Variants in NRXN1 observed in about 807,000 individuals in gnomAD.
NRXN1 encodes neurexin-1.
A neutral mutation model predicts 150.9 loss-of-function variants in NRXN1; 39 were observed. That is an observed-to-expected ratio of 0.26 (90% confidence interval 0.20 to 0.34). NRXN1 has a LOEUF of 0.34. NRXN1 is among the 10% of genes least tolerant of loss of function. NRXN1 has a pLI of 1.00. For synonymous variants in NRXN1, 924 were observed against 757.0 expected (o/e 1.22, Z -3.62); for missense variants, 1,815 against 1,949.9 (o/e 0.93, Z 1.30).
intron 5 of NRXN1, among the ~76,000 whole-genome samples, chr2:50,706,723 G>C (rs570888511): frequency 6.6e-6 from 1 of 151,932 alleles, no homozygotes; most frequent in Non-Finnish European, 1.5e-5. Context: ...TTGTTAAATG[G>C]GAATCTTATC....
intron 2 of NRXN1, among the ~76,000 whole-genome samples, chr2:50,974,941 C>G (rs1695586568): frequency 6.6e-6 from 1 of 151,896 alleles, no homozygotes; most frequent in Non-Finnish European, 1.5e-5. Context: ...CATTCCACTC[C>G]ATAAATGCCA....
At chr2:50,261,663 C>T (rs1179251879) in intron 17 of NRXN1, among the ~76,000 whole-genome samples, 3 of 151,834 alleles carry the variant, frequency 2.0e-5, no homozygotes, top group South Asian at 4.1e-4. Flanking sequence ...AAAATAGATT[C>T]CTTTAATTTT....
intron 5 of NRXN1, among the ~76,000 whole-genome samples, chr2:50,695,612 C>T (rs943069239): frequency 2.0e-4 from 31 of 151,840 alleles, no homozygotes; most frequent in Non-Finnish European, 1.9e-4. Flanking sequence ...TTGTACAAAA[C>T]GAGAAACAAA....
chr2:50,050,784 A>G (rs1490215942), intron 21 of NRXN1, among the ~76,000 whole-genome samples: 1 of 94,800 alleles, frequency 1.1e-5, no homozygotes, highest in Admixed American at 1.2e-4. Context: ...TTTCTTCCCT[A>G]ATGTTTTTTC....
At chr2:50,121,929 G>A (rs1176430120) in intron 18 of NRXN1, among the ~76,000 whole-genome samples, 1 of 152,082 alleles carries the variant, frequency 6.6e-6, no homozygotes, top group Non-Finnish European at 1.5e-5. Flanking sequence ...CAAGGGAGAA[G>A]GACATACTAA....
rs545747600 is a variant in NRXN1 at position 50,965,416 on chromosome 2, G to GAA, written c.773-39463_773-39462dup. On this transcript the variant is annotated intron_variant, in intron 2 of 22. Transcript: ENST00000401669. ...TGTATCTCTCCTTTCAAGCATGGAG[G>GAA]AAAAAAAAATTAGGGGGAACATTTT... Among the ~76,000 whole-genome samples the GAA allele has an allele frequency of 4.7e-5, 7 of 149,186 alleles. No homozygotes were observed. The South Asian group carries it at 1.5e-3, about 32-fold the overall frequency.
chr2:49,941,006 C>G (rs976402003), intron 22 of NRXN1, among the ~76,000 whole-genome samples: 2 of 152,020 alleles, frequency 1.3e-5, no homozygotes, highest in African/African-American at 4.8e-5. Flanking sequence ...GTTAAAGTAG[C>G]TGTCGTTAGA....
At chr2:50,928,478 T>A (rs1687251447) in intron 2 of NRXN1, among the ~76,000 whole-genome samples, 1 of 152,096 alleles carries the variant, frequency 6.6e-6, no homozygotes, top group East Asian at 1.9e-4. Flanking sequence ...GACGTGATTA[T>A]AACTGGTGGT....
intron 17 of NRXN1, among the ~76,000 whole-genome samples, chr2:50,274,917 G>A (rs1360391893): frequency 2.0e-5 from 3 of 152,116 alleles, no homozygotes; most frequent in Non-Finnish European, 2.9e-5. Context: ...GATTTTCTCT[G>A]TATACTTAAC....
intron 17 of NRXN1, among the ~76,000 whole-genome samples, chr2:50,445,542 A>G (rs892531469): frequency 6.6e-6 from 1 of 152,100 alleles, no homozygotes; most frequent in African/African-American, 2.4e-5. Context: ...TTTGTGAACC[A>G]CTCACCTCAG....
intron 18 of NRXN1, chr2:50,174,762 A>T (rs2060248994): frequency 6.6e-6 from 1 of 152,138 alleles, no homozygotes; most frequent in Admixed American, 6.6e-5. Flanking sequence ...AGAAAAAAAA[A>T]TTTGCTGTTG....
At chr2:50,710,812 T>C (rs189731353) in intron 5 of NRXN1, among the ~76,000 whole-genome samples, 165 of 152,326 alleles carry the variant, frequency 1.1e-3, no homozygotes, top group Non-Finnish European at 2.1e-3. Context: ...TTTATTTGAC[T>C]ACAGTTACTT....
At chr2:50,316,422 T>C (rs1191501423) in intron 17 of NRXN1, among the ~76,000 whole-genome samples, 1 of 151,960 alleles carries the variant, frequency 6.6e-6, no homozygotes, top group Non-Finnish European at 1.5e-5. Context: ...CAAACAACAA[T>C]GAAAATAAAT....
chr2:50,459,221 T>G (rs1484623283), intron 17 of NRXN1, among the ~76,000 whole-genome samples: 2 of 152,072 alleles, frequency 1.3e-5, no homozygotes, highest in Non-Finnish European at 2.9e-5. Context: ...TTAAAAACAC[T>G]CCTGATAATT....
At chr2:50,187,816 T>C (rs2061185563) in intron 18 of NRXN1, among the ~76,000 whole-genome samples, 1 of 152,126 alleles carries the variant, frequency 6.6e-6, no homozygotes, top group Admixed American at 6.6e-5. Flanking sequence ...TAAGTTGGAT[T>C]CCTAGGTATT....
intron 2 of NRXN1, among the ~76,000 whole-genome samples, chr2:50,944,945 G>A (rs1690093301): frequency 1.3e-5 from 2 of 152,076 alleles, no homozygotes; most frequent in African/African-American, 4.8e-5. Context: ...CTTTTTTTGG[G>A]AATTACTTCA....
At chr2:50,459,857 A>T (rs2087980970) in intron 17 of NRXN1, among the ~76,000 whole-genome samples, 1 of 152,068 alleles carries the variant, frequency 6.6e-6, no homozygotes, top group Non-Finnish European at 1.5e-5. Context: ...AATTAAACTT[A>T]ATGGCTCCAA....
At chr2:50,910,616 C>G (rs1421873337) in intron 5 of NRXN1, among the ~76,000 whole-genome samples, 1 of 151,854 alleles carries the variant, frequency 6.6e-6, no homozygotes, top group Non-Finnish European at 1.5e-5. Context: ...AAAGCCCCTG[C>G]CTTCAGGGGT....
At chr2:50,962,786 T>G (rs1693420363) in intron 2 of NRXN1, among the ~76,000 whole-genome samples, 1 of 151,630 alleles carries the variant, frequency 6.6e-6, no homozygotes, top group African/African-American at 2.4e-5. Context: ...TTCAATTAAA[T>G]TTTCGCTCCC....
Sources: gnomAD v4.1 joint callset for allele counts (sites outside exome capture counted in the v4.1 genomes callset) on GRCh38, gnomAD v4.1.1 for gene constraint, MANE v1.5 for transcripts, NCBI Gene and HGNC (gene_info 2026-07-23, HGNC 2026-07-21) for gene names.